MECR: variants seen among roughly 807,000 people sequenced by gnomAD.
MECR encodes the protein enoyl-[acyl-carrier-protein] reductase, mitochondrial.
MECR carries 37 observed loss-of-function variants against 49.1 expected under a neutral mutation model. The ratio of observed to expected loss-of-function variants is 0.75; its 90% CI spans 0.58 to 0.99. The LOEUF (loss-of-function observed/expected upper bound fraction) is 0.99. Among genes scored for constraint, MECR ranks in the 50% least tolerant of loss-of-function variants. MECR has a pLI of 0.00. For synonymous variants in MECR, 198 were observed against 191.1 expected (o/e 1.04, Z -0.30); for missense variants, 470 against 479.6 (o/e 0.98, Z 0.19).
chr1:29,194,267 G>A, intron 9 of MECR, 88 bp from the exon 10 acceptor site: 2 of 1,398,086 alleles, frequency 1.4e-6, no homozygotes, highest in South Asian at 2.8e-5. Context: ...GGCAGGAGCT[G>A]GCACCAAGCT....
At chr1:29,188,618 G>C (rs895325993), downstream of MECR, among the ~76,000 whole-genome samples, 1 of 151,722 alleles carries the variant, frequency 6.6e-6, no homozygotes, top group South Asian at 2.1e-4. Flanking sequence ...GTGCGCTCAA[G>C]CTTTTTTTTA....
chr1:29,197,755 A>G (rs1448583696), intron 7 of MECR, among the ~76,000 whole-genome samples: 2 of 152,200 alleles, frequency 1.3e-5, no homozygotes, highest in Non-Finnish European at 2.9e-5. Context: ...TCTCTTCTGT[A>G]TCCCTGCTGC....
intron 4 of MECR, 45 bp downstream of exon 4, chr1:29,206,717 T>G: frequency 6.2e-7 from 1 of 1,606,624 alleles, no homozygotes. Flanking sequence ...AGTGGCACCC[T>G]AGTTGCGAGA....
the MECR span, among the ~76,000 whole-genome samples, chr1:29,185,987 T>G: frequency 6.6e-6 from 1 of 152,004 alleles, no homozygotes; most frequent in Admixed American, 6.6e-5. Flanking sequence ...CCCCATCACA[T>G]GCACACACAC....
downstream of MECR, among the ~76,000 whole-genome samples, chr1:29,189,967 C>G (rs1673089982): frequency 1.3e-5 from 2 of 152,116 alleles, no homozygotes; most frequent in South Asian, 2.1e-4. Flanking sequence ...TCAGTGAAAC[C>G]CCAAATACTA....
intron 3 of MECR, among the ~76,000 whole-genome samples, chr1:29,209,916 AG>A (rs1158901898): frequency 1.3e-5 from 2 of 152,140 alleles, no homozygotes; most frequent in African/African-American, 4.8e-5. Flanking sequence ...TGTGGGAAGC[AG>A]GGGGCAGCCT....
chr1:29,178,137 T>C, the MECR span, among the ~76,000 whole-genome samples: 1 of 151,994 alleles, frequency 6.6e-6, no homozygotes, highest in Non-Finnish European at 1.5e-5. Context: ...TGACTTCAAG[T>C]GATCCACCTA....
At chr1:29,224,108 A>C (rs113031046) in intron 1 of MECR, 8 of 152,318 alleles carry the variant, frequency 5.3e-5, no homozygotes, top group African/African-American at 1.9e-4. Flanking sequence ...CCCTAAACTA[A>C]GAGGACCAGA....
the MECR span, chr1:29,168,648 T>C: frequency 3.9e-5 from 6 of 152,182 alleles, no homozygotes; most frequent in East Asian, 5.8e-4. Flanking sequence ...ACTAGAAGAA[T>C]AGAGGAAAAA....
the MECR span, among the ~76,000 whole-genome samples, chr1:29,168,250 C>G: frequency 6.8e-6 from 1 of 146,516 alleles, no homozygotes; most frequent in Non-Finnish European, 1.5e-5. Context: ...AGGGTGGTCT[C>G]GAACTCCTGA....
intron 4 of MECR, among the ~76,000 whole-genome samples, chr1:29,203,528 C>A (rs994755792): frequency 6.6e-6 from 1 of 152,360 alleles, no homozygotes; most frequent in African/African-American, 2.4e-5. Flanking sequence ...GTCATCCTCC[C>A]AACTTTTATG....
chr1:29,176,472 T>C, the MECR span, among the ~76,000 whole-genome samples: 1 of 141,080 alleles, frequency 7.1e-6, no homozygotes, highest in African/African-American at 2.8e-5. Context: ...CTTGGGAGAA[T>C]TAAAAACTAA....
At chr1:29,182,375 A>G in the MECR span, among the ~76,000 whole-genome samples, 340 of 152,266 alleles carry the variant, frequency 2.2e-3, 4 homozygotes, top group African/African-American at 7.9e-3. Flanking sequence ...ATATGAGAAT[A>G]CGTACATAAA....
At position 29,201,835 on chromosome 1, in the gene MECR, T is replaced by C; in HGVS notation, c.756+108A>G. ...TAACCAACCAAGAGGCAAAGGGAGG[T>C]TTCCAGAGAGGAACAATGGGGCCAG... On this transcript the variant is annotated intron_variant, in intron 6 of 9. Coordinates refer to ENST00000263702, the MANE Select transcript of MECR (RefSeq NM_016011.5). The surrounding 1 kb of genome is among the most constrained non-coding windows in gnomAD (Gnocchi z 4.3). 1 of 996,316 alleles carries C rather than the reference T, an allele frequency of 1.0e-6. No homozygotes were observed. The highest frequency in any genetic ancestry group is 2.4e-5 in the East Asian group (1 of 41,888). 61.7% of individuals were successfully genotyped at this position (996,316 alleles called of 1,614,324 possible).
At chr1:29,188,820 A>C (rs1673073161), downstream of MECR, among the ~76,000 whole-genome samples, 1 of 151,718 alleles carries the variant, frequency 6.6e-6, no homozygotes, top group Admixed American at 6.6e-5. Context: ...TTGCATTTTT[A>C]ATAGAGATGG....
At chr1:29,182,310 C>A in the MECR span, among the ~76,000 whole-genome samples, 1 of 152,190 alleles carries the variant, frequency 6.6e-6, no homozygotes, top group East Asian at 1.9e-4. Flanking sequence ...CCTCCTTTAT[C>A]TTTTCTGTAA....
chr1:29,194,117 G>C lies in MECR; in HGVS notation c.1027C>G (p.Pro343Ala), dbSNP rs200714705. ...DLIRRGQLTA[P>A]ACSQVPLQDY... ...TGCAGCGGGACCTGGGAGCAGGCAG[G>C]GGCTGTGAGCTGGCCTCGGCGGATG... The change falls in exon 10 of 10, where the codon CCT becomes GCT. Residue 343 changes from proline to alanine, a missense_variant. Physicochemically the swap from Pro to Ala is conservative, Grantham distance 27. Transcript: ENST00000263702. 1.2e-6 allele frequency: 2 copies of C among 1,614,170 alleles called. No homozygotes were observed. Among genetic ancestry groups the C allele is most frequent in the Middle Eastern group, 1.6e-4 (1 of 6,062 alleles).
At chr1:29,183,617 C>T in the MECR span, among the ~76,000 whole-genome samples, 1 of 152,140 alleles carries the variant, frequency 6.6e-6, no homozygotes, top group Non-Finnish European at 1.5e-5. Context: ...ATGAGTCTTT[C>T]TTCATATGTT....
At chr1:29,188,800 C>T (rs1314362971), downstream of MECR, among the ~76,000 whole-genome samples, 2 of 151,774 alleles carry the variant, frequency 1.3e-5, no homozygotes, top group Non-Finnish European at 2.9e-5. Context: ...CTACCATACC[C>T]GGCTAATTTT....
Sources: gnomAD v4.1 joint callset for allele counts (sites outside exome capture counted in the v4.1 genomes callset) on GRCh38, gnomAD v4.1.1 for gene constraint, Gnocchi (gnomAD v3.1) non-coding constraint, MANE v1.5 for transcripts, NCBI Gene and HGNC (gene_info 2026-07-23, HGNC 2026-07-21) for gene names.